The following ATXN1 variants were observed in gnomAD, a reference collection of about 807,000 sequenced individuals.
ATXN1 encodes ataxin 1.
ATXN1 carries 8 observed loss-of-function variants against 56.4 expected under a neutral mutation model. The observed-to-expected ratio is 0.14, with a 90% CI of 0.08 to 0.26. The LOEUF is 0.26. Ranked by LOEUF, ATXN1 falls within the 10% of genes least tolerant of loss-of-function variation. The pLI, the probability that ATXN1 is intolerant of heterozygous loss-of-function variation, is 1.00. For missense variants in ATXN1, 987 were observed against 1,106.5 expected (o/e 0.89, Z 1.53); for synonymous variants, 514 against 494.6 (o/e 1.04, Z -0.52).
chr6:16,574,906 T>A (rs1005788011), intron 4 of ATXN1, among the ~76,000 whole-genome samples: 2 of 152,088 alleles, frequency 1.3e-5, no homozygotes, highest in African/African-American at 4.8e-5. Flanking sequence ...CTGTGACAGT[T>A]CCTGAATCCT....
At chr6:16,562,298 G>A (rs185618458) in intron 4 of ATXN1, among the ~76,000 whole-genome samples, 6 of 151,120 alleles carry the variant, frequency 4.0e-5, no homozygotes, top group South Asian at 2.1e-4. Context: ...ACTTGAGCCC[G>A]GGAGGCAGAG....
intron 2 of ATXN1, among the ~76,000 whole-genome samples, chr6:16,750,404 C>G (rs1215177275): frequency 6.6e-6 from 1 of 151,922 alleles, no homozygotes; most frequent in Non-Finnish European, 1.5e-5. Flanking sequence ...TAACTAGAAC[C>G]AGAAAGAACT....
intron 4 of ATXN1, among the ~76,000 whole-genome samples, chr6:16,558,314 A>G (rs578257463): frequency 3.3e-3 from 492 of 150,970 alleles, no homozygotes; most frequent in Non-Finnish European, 4.8e-3. Context: ...AAAAAAAAAA[A>G]AAAAGAAAAA....
At chr6:16,606,867 TTGTG>T (rs759331296) in intron 3 of ATXN1, among the ~76,000 whole-genome samples, 16 of 126,708 alleles carry the variant, frequency 1.3e-4, no homozygotes, top group Admixed American at 8.1e-4. Flanking sequence ...GTTCCATGAG[TTGTG>T]TGTGTGTGTG....
chr6:16,639,782 T>C (rs991989996), intron 3 of ATXN1, among the ~76,000 whole-genome samples: 5 of 152,250 alleles, frequency 3.3e-5, no homozygotes, highest in African/African-American at 9.6e-5. Flanking sequence ...AGAAGAATTA[T>C]GTTCACCTCT....
intron 3 of ATXN1, among the ~76,000 whole-genome samples, chr6:16,651,075 C>T (rs935835900): frequency 1.3e-5 from 2 of 152,212 alleles, no homozygotes; most frequent in Admixed American, 1.3e-4. Context: ...CAATCAGACC[C>T]TTTCTTTCAT....
chr6:16,516,252 C>A (rs1480685726), intron 5 of ATXN1, among the ~76,000 whole-genome samples: 1 of 152,206 alleles, frequency 6.6e-6, no homozygotes, highest in Non-Finnish European at 1.5e-5. Context: ...AGGTATATTA[C>A]TGCTACAACA....
chr6:16,512,514 C>T (rs1761102682), intron 5 of ATXN1, among the ~76,000 whole-genome samples: 1 of 152,198 alleles, frequency 6.6e-6, no homozygotes, highest in African/African-American at 2.4e-5. Flanking sequence ...TAAATAAAAA[C>T]AACAGCATCT....
At chr6:16,476,182 C>T (rs796832896) in intron 6 of ATXN1, among the ~76,000 whole-genome samples, 32 of 152,254 alleles carry the variant, frequency 2.1e-4, no homozygotes, top group African/African-American at 7.7e-4. Context: ...TTTTGATTAA[C>T]GCCTACCCCT....
At position 16,697,512 on chromosome 6, in the gene ATXN1, G is replaced by A. The variant is rs539029051; in HGVS notation, c.-614-39611C>T. On this transcript the variant is annotated intron_variant, in intron 2 of 7. Coordinates refer to ENST00000436367, the MANE Select transcript of ATXN1 (RefSeq NM_001128164.2). Reference sequence around the variant, plus strand: ...CCACTTAAATCCTTTTTCCCACCCAGTGCTCTCTGAAGAGCTAAGGCTAAC... The same window carrying A: ...CCACTTAAATCCTTTTTCCCACCCAATGCTCTCTGAAGAGCTAAGGCTAAC... Among the ~76,000 whole-genome samples the A allele has an allele frequency of 2.6e-5, 4 of 151,718 alleles. No homozygotes were observed. The East Asian group carries it at 7.8e-4, about 29-fold the overall frequency.
chr6:16,478,427 C>T (rs1760371510), intron 6 of ATXN1, among the ~76,000 whole-genome samples: 2 of 152,162 alleles, frequency 1.3e-5, no homozygotes, highest in Admixed American at 1.3e-4. Context: ...CAGGTAGAGC[C>T]ATTGAGGTTG....
chr6:16,620,139 T>C (rs993484595), intron 3 of ATXN1, among the ~76,000 whole-genome samples: 1 of 152,060 alleles, frequency 6.6e-6, no homozygotes, highest in African/African-American at 2.4e-5. Context: ...AACCAAACTT[T>C]TACAGTAGGA....
At chr6:16,689,744 A>AT (rs1759004546) in intron 2 of ATXN1, among the ~76,000 whole-genome samples, 1 of 152,026 alleles carries the variant, frequency 6.6e-6, no homozygotes. Context: ...TCACATACTT[A>AT]TTTTTTATAA....
intron 3 of ATXN1, among the ~76,000 whole-genome samples, chr6:16,627,489 G>T (rs984718839): frequency 2.0e-5 from 3 of 152,172 alleles, no homozygotes; most frequent in African/African-American, 7.2e-5. Flanking sequence ...AGCACTTTGG[G>T]AGGCCGAGGT....
chr6:16,327,640 T>G lies in ATXN1; in HGVS notation c.671A>C (p.Gln224Pro), dbSNP rs1400376762. The G allele has an allele frequency of 1.4e-6, 2 of 1,424,438 alleles. No individual in the cohort carries two copies. The highest frequency in any genetic ancestry group is 3.2e-5 in the African/African-American group (2 of 61,698). 88.2% of individuals were successfully genotyped at this position (1,424,438 alleles called of 1,614,324 possible). ...CCCCGGAGCCCTGCTGAGGTGCTGCTGCTGCTGCTGCTGCTGCTGCTGCTG... is the reference window on the plus strand; with the variant it reads ...CCCCGGAGCCCTGCTGAGGTGCTGCGGCTGCTGCTGCTGCTGCTGCTGCTG... ...QQQQQQQQQQ[Q>P]QHLSRAPGLI... is the part of the protein sequence containing the mutation. The change falls in exon 7 of 8, where the codon CAG becomes CCG. Residue 224 changes from glutamine to proline, a missense_variant. Gln to Pro is a moderately conservative substitution (Grantham distance 76). Transcript: ENST00000436367.
At chr6:16,693,933 G>T (rs952934477) in intron 2 of ATXN1, among the ~76,000 whole-genome samples, 1 of 152,140 alleles carries the variant, frequency 6.6e-6, no homozygotes, top group East Asian at 1.9e-4. Context: ...CTGGGATTCC[G>T]ACACACTAAT....
At chr6:16,618,334 C>T (rs535494546) in intron 3 of ATXN1, among the ~76,000 whole-genome samples, 24 of 152,164 alleles carry the variant, frequency 1.6e-4, no homozygotes, top group Non-Finnish European at 2.6e-4. Context: ...ACCTAGATGA[C>T]AGGTTGATAG....
chr6:16,525,486 A>G (rs1262607661), intron 4 of ATXN1, among the ~76,000 whole-genome samples: 1 of 152,092 alleles, frequency 6.6e-6, no homozygotes, highest in Non-Finnish European at 1.5e-5. Context: ...TACTGAACTC[A>G]TGGACACAGA....
At chr6:16,350,607 C>CT (rs111884236) in intron 6 of ATXN1, among the ~76,000 whole-genome samples, 1 of 152,142 alleles carries the variant, frequency 6.6e-6, no homozygotes, top group African/African-American at 2.4e-5. Context: ...TGAAGTCTCT[C>CT]TTTTTCCCAT....
Sources: gnomAD v4.1 joint callset for allele counts (sites outside exome capture counted in the v4.1 genomes callset) on GRCh38, gnomAD v4.1.1 for gene constraint, MANE v1.5 for transcripts, NCBI Gene and HGNC (gene_info 2026-07-23, HGNC 2026-07-21) for gene names.